Variants in DPYSL4 observed in about 807,000 individuals in gnomAD.
DPYSL4 encodes the protein dihydropyrimidinase-related protein 4.
Under a neutral mutation model 63.4 loss-of-function variants are expected in DPYSL4, and 43 were observed. The ratio of observed to expected loss-of-function variants is 0.68; its 90% CI spans 0.53 to 0.88. DPYSL4 has a LOEUF of 0.88. Ranked by LOEUF, DPYSL4 falls within the 40% of genes least tolerant of loss-of-function variation. The probability of loss-of-function intolerance (pLI) is 0.00; values close to 1 mark genes in which losing one functional copy is unlikely to be tolerated. For missense variants in DPYSL4, 733 were observed against 819.5 expected, an observed-to-expected ratio of 0.89 and a Z score of 1.29; for synonymous variants, 353 against 331.7, an observed-to-expected ratio of 1.06 and a Z score of -0.70.
intron 1 of DPYSL4, among the ~76,000 whole-genome samples, chr10:132,190,154 G>A (rs1016131907): frequency 6.6e-6 from 1 of 152,262 alleles, no homozygotes; most frequent in Admixed American, 6.5e-5. Context: ...ATTCGTCACC[G>A]ACTGTGATGA....
rs1275114760 is a variant in DPYSL4, at chr10:132,204,997, GC to G, written c.*73del. The G allele has an allele frequency of 4.6e-6, 6 of 1,296,662 alleles. No homozygotes were observed. Among genetic ancestry groups the G allele is most frequent in the Non-Finnish European group, 4.3e-6 (4 of 938,052 alleles). 80.3% of individuals were successfully genotyped at this position (1,296,662 alleles called of 1,614,324 possible). A position where few individuals can be genotyped will look rare whatever the true frequency, so the allele number is the denominator to read the frequency against. The stretch of plus-strand genomic sequence containing the variant: ...AGGCCGCGGGGGCCCCAGGGCACTC[GC>G]CCCCCTCCTTAGCATTTTCTTTTGT... On this transcript the variant is annotated 3_prime_UTR_variant, in exon 14 of 14. Transcript: ENST00000338492.
chr10:132,203,980 A>C, intron 13 of DPYSL4, 53 bp downstream of exon 13: 1 of 1,552,056 alleles, frequency 6.4e-7, no homozygotes, highest in Non-Finnish European at 8.8e-7. Flanking sequence ...CGGAGCATCC[A>C]GGGCCTCAGG....
At position 132,200,954 on chromosome 10, in the gene DPYSL4, C is replaced by T; in HGVS notation, c.1081C>T (p.Arg361Cys). 6.2e-7 allele frequency: 1 copy of T among 1,613,270 alleles called. No individual in the cohort carries two copies. The highest frequency in any genetic ancestry group is 1.1e-5 in the South Asian group (1 of 91,076). ...CGAGGGCACCAACGGCATTGAGGAGCGCATGTCGATGGTCTGGGAGAAATG... is the reference window on the plus strand; with the variant it reads ...CGAGGGCACCAACGGCATTGAGGAGTGCATGTCGATGGTCTGGGAGAAATG... ...IPEGTNGIEE[R>C]MSMVWEKCVA... The change falls in exon 10 of 14, where the codon CGC (arginine) becomes TGC (cysteine). Residue 361 changes from arginine to cysteine, a missense_variant. Physicochemically the swap from Arg to Cys is radical, Grantham distance 180. Transcript: ENST00000338492.
chr10:132,198,534 C>T (rs1437120848), intron 7 of DPYSL4, 51 bp downstream of exon 7: 3 of 1,526,604 alleles, frequency 2.0e-6, no homozygotes, highest in Non-Finnish European at 1.8e-6. Context: ...GCCCAGACCA[C>T]TGCTGCCTGG....
At chr10:132,189,089 C>T (rs1159622408) in intron 1 of DPYSL4, among the ~76,000 whole-genome samples, 1 of 152,252 alleles carries the variant, frequency 6.6e-6, no homozygotes, top group African/African-American at 2.4e-5. Flanking sequence ...CTCTTGGCTT[C>T]AGACTGACGG....
chr10:132,195,612 C>T (rs545484076), intron 4 of DPYSL4, among the ~76,000 whole-genome samples: 1 of 152,334 alleles, frequency 6.6e-6, no homozygotes, highest in South Asian at 2.1e-4. Context: ...ATGCCTGCTA[C>T]CCGTCCCCTA....
rs2061835096 is a variant in DPYSL4 at position 132,188,642 on chromosome 10, C to G, written c.39+1540C>G. On this transcript the variant is annotated intron_variant, in intron 1 of 13. Coordinates refer to ENST00000338492, the MANE Select transcript of DPYSL4 (RefSeq NM_006426.3). ...GGTCTAAAACTTCTTCCACAACCAG[C>G]CCGAGAGTAAATGTTGTCAGCTTTG... Among the ~76,000 whole-genome samples, 3 of 152,208 alleles carry G rather than the reference C, an allele frequency of 2.0e-5. No individual in the cohort carries two copies. In the South Asian group the frequency reaches 6.2e-4, roughly 32 times the overall value.
Position 132,202,069 on chromosome 10 carries a change from T to C in DPYSL4, c.1234T>C (p.Trp412Arg). 2 of 1,612,984 alleles carry C rather than the reference T, an allele frequency of 1.2e-6. No homozygotes were observed. The highest frequency in any genetic ancestry group is 1.7e-6 in the Non-Finnish European group (2 of 1,179,862). The change falls in exon 11 of 14, where the codon TGG becomes CGG. Residue 412 changes from tryptophan (W) to arginine (R), a missense_variant. Transcript: ENST00000338492. ...AVGSDADLVI[W>R]NPKATKIISA... ...GGGCTCTGACGCTGACCTGGTCATA[T>C]GGAACCCCAAGGCCACCAAGATCAT...
Position 132,196,933 on chromosome 10 carries a change from G to T in DPYSL4, c.540+11G>T. 6.4e-7 allele frequency: 1 copy of T among 1,554,058 alleles called. No individual in the cohort carries two copies. Among genetic ancestry groups the T allele is most frequent in the Non-Finnish European group, 8.7e-7 (1 of 1,143,816 alleles). ...TGCAGCGACAGCCAGGTAAGGGCAG[G>T]CGTGGGGAACGGAGTGGGCAGGTAT... On this transcript the variant is annotated intron_variant, in intron 5 of 13. Coordinates refer to ENST00000338492, the MANE Select transcript of DPYSL4 (RefSeq NM_006426.3).
intron 1 of DPYSL4, 57 bp from the exon 2 acceptor site, chr10:132,190,690 A>G: frequency 6.6e-7 from 1 of 1,518,270 alleles, no homozygotes; most frequent in South Asian, 1.2e-5. Context: ...AGTTGCACCA[A>G]GAGTGTTACT....
At chr10:132,190,278 C>T (rs1233019447) in intron 1 of DPYSL4, among the ~76,000 whole-genome samples, 1 of 152,270 alleles carries the variant, frequency 6.6e-6, no homozygotes, top group Non-Finnish European at 1.5e-5. Flanking sequence ...GGCACCATCA[C>T]TGGTCTGTAG....
At chr10:132,195,040 G>T in intron 4 of DPYSL4, 31 bp downstream of exon 4, 1 of 1,587,604 alleles carries the variant, frequency 6.3e-7, no homozygotes, top group Non-Finnish European at 8.5e-7. Context: ...TGGAGGGCGG[G>T]CATGGAGCCT....
intron 13 of DPYSL4, 131 bp from the exon 14 acceptor site, chr10:132,204,708 T>C: frequency 1.5e-6 from 1 of 676,058 alleles, no homozygotes; most frequent in Non-Finnish European, 2.3e-6. Flanking sequence ...GGCCTTCTGG[T>C]GGTGGCAGGT....
At chr10:132,187,470 G>T (rs1256571161) in intron 1 of DPYSL4, among the ~76,000 whole-genome samples, 1 of 152,042 alleles carries the variant, frequency 6.6e-6, no homozygotes, top group Non-Finnish European at 1.5e-5. Flanking sequence ...AGCGCTAGCG[G>T]CTCCTTTCTC....
rs376130347 is a variant in DPYSL4 at position 132,200,375 on chromosome 10, G to A, written c.831G>A (p.Glu277=). The A allele has an allele frequency of 1.6e-5, 26 of 1,613,158 alleles. No homozygotes were observed. Among genetic ancestry groups the A allele is most frequent in the Non-Finnish European group, 2.1e-5 (25 of 1,179,896 alleles). ...AKRRGVVVFG[E]PITASLGTDG... ...CTGCAGGGGTGGTCGTGTTTGGGGA[G>A]CCCATCACCGCCAGCCTGGGCACCG... The change falls in exon 9 of 14, where the codon GAG becomes GAA. Residue 277 remains glutamate, a synonymous_variant. Coordinates refer to ENST00000338492, the MANE Select transcript of DPYSL4 (RefSeq NM_006426.3).
At position 132,191,076 on chromosome 10, in the gene DPYSL4, C is replaced by A. The variant is rs11597315; in HGVS notation, c.128+241C>A. ...TGGTCACATGGTATCCAGGCAGGTG[C>A]AAATAGTTCCCAGCTCGTGTGTACA... On this transcript the variant is annotated intron_variant, in intron 2 of 13. Coordinates refer to ENST00000338492, the MANE Select transcript of DPYSL4 (RefSeq NM_006426.3). Among the ~76,000 whole-genome samples the A allele has an allele frequency of 0.39, 37,496 of 95,108 alleles. 6,230 individuals are homozygous for A. The highest frequency in any genetic ancestry group is 0.76 in the East Asian group (1,935 of 2,558). The allele number at this position is 95,108 out of a possible 152,430, so 62.4% of individuals were successfully genotyped here.
At chr10:132,204,717 G>C in intron 13 of DPYSL4, 122 bp from the exon 14 acceptor site, 1 of 744,176 alleles carries the variant, frequency 1.3e-6, no homozygotes, top group Non-Finnish European at 2.0e-6. Context: ...GTGGTGGCAG[G>C]TGTGCGGGGG....
rs1407041813 is a variant in DPYSL4 at position 132,205,056 on chromosome 10, C to T, written c.*126C>T. Reference sequence around the variant, plus strand: ...TCTCGAAGGTGCTTGGCGGTCTTGCCTTCCCCCTCCCCACAGGCTCTCCTT... The same window carrying T: ...TCTCGAAGGTGCTTGGCGGTCTTGCTTTCCCCCTCCCCACAGGCTCTCCTT... On this transcript the variant is annotated 3_prime_UTR_variant, in exon 14 of 14. Transcript: ENST00000338492. The T allele has an allele frequency of 1.2e-5, 8 of 685,112 alleles. No homozygotes were observed. Among genetic ancestry groups the T allele is most frequent in the Non-Finnish European group, 1.8e-5 (8 of 436,282 alleles). 42.4% of individuals were successfully genotyped at this position (685,112 alleles called of 1,614,324 possible). A position where few individuals can be genotyped will look rare whatever the true frequency, so the allele number is the denominator to read the frequency against.
At chr10:132,196,309 G>A (rs757108563) in intron 4 of DPYSL4, among the ~76,000 whole-genome samples, 15 of 152,210 alleles carry the variant, frequency 9.9e-5, no homozygotes, top group East Asian at 7.7e-4. Context: ...GGGCCCCAAC[G>A]TCAGAGGCAG....
Sources: gnomAD v4.1 joint callset for allele counts (sites outside exome capture counted in the v4.1 genomes callset) on GRCh38, gnomAD v4.1.1 for gene constraint, MANE v1.5 for transcripts, NCBI Gene and HGNC (gene_info 2026-07-23, HGNC 2026-07-21) for gene names.